The following NFAT5 variants were observed in gnomAD, a reference collection of about 807,000 sequenced individuals.
The protein encoded by NFAT5 is nuclear factor of activated T cells 5, also known as nuclear factor of activated T-cells 5.
NFAT5 carries 31 observed loss-of-function variants against 166.5 expected under a neutral mutation model. The observed-to-expected ratio is 0.19, with a 90% CI of 0.14 to 0.25. The LOEUF is 0.25. NFAT5 is among the 10% of genes least tolerant of loss of function. The probability of loss-of-function intolerance (pLI) is 1.00; values close to 1 mark genes in which losing one functional copy is unlikely to be tolerated. For missense variants in NFAT5, 1,449 were observed against 1,821.8 expected (o/e 0.80, Z 3.72); for synonymous variants, 612 against 639.7 (o/e 0.96, Z 0.65).
intron 10 of NFAT5, 66 bp from the exon 11 acceptor site, chr16:69,684,821 A>G: frequency 9.8e-7 from 1 of 1,022,650 alleles, no homozygotes; most frequent in Non-Finnish European, 1.4e-6. Context: ...CTAATTAAAG[A>G]ATTTAAGATA....
chr16:69,631,686 C>T (rs1384182389), intron 3 of NFAT5, among the ~76,000 whole-genome samples: 2 of 151,706 alleles, frequency 1.3e-5, no homozygotes, highest in African/African-American at 4.8e-5. Flanking sequence ...AGTGCAGTGG[C>T]GTGATCTTGG....
intron 2 of NFAT5, among the ~76,000 whole-genome samples, chr16:69,573,250 G>C (rs1395180138): frequency 6.6e-6 from 1 of 151,916 alleles, no homozygotes; most frequent in Admixed American, 6.6e-5. Context: ...TTTTACTACT[G>C]CTAATCTATT....
At chr16:69,642,831 AAAAG>A (rs1049203010) in intron 3 of NFAT5, among the ~76,000 whole-genome samples, 8 of 151,852 alleles carry the variant, frequency 5.3e-5, no homozygotes, top group African/African-American at 1.9e-4. Context: ...AAAAGAAAAG[AAAAG>A]AAAAGAAAAA....
In NFAT5 at chr16:69,699,808, A is replaced by G. The variant is rs1474196173; in HGVS notation, c.*3457A>G. ...CAACTCACATTAATGCTTGGAGCTT[A>G]TCTCTTTCTCTCTCTCTCTCTCTCT... is the stretch of plus-strand genomic sequence containing the variant. On this transcript the variant is annotated 3_prime_UTR_variant, in exon 15 of 15. Coordinates refer to ENST00000349945, the MANE Select transcript of NFAT5 (RefSeq NM_138713.4). 6.7e-6 allele frequency: 1 copy of G among 149,746 alleles called. No homozygotes were observed. Among genetic ancestry groups the G allele is most frequent in the Non-Finnish European group, 1.5e-5 (1 of 67,320 alleles). The allele number at this position is 149,746 out of a possible 1,614,324, so 9.3% of individuals were successfully genotyped here.
intron 11 of NFAT5, among the ~76,000 whole-genome samples, chr16:69,689,615 C>T (rs2037468197): frequency 6.6e-6 from 1 of 152,230 alleles, no homozygotes; most frequent in Admixed American, 6.5e-5. Flanking sequence ...GCGATCTCAG[C>T]TCATTGCAAC....
At chr16:69,627,310 T>TA (rs902444249) in intron 3 of NFAT5, among the ~76,000 whole-genome samples, 26 of 127,250 alleles carry the variant, frequency 2.0e-4, no homozygotes, top group Non-Finnish European at 4.2e-4. Flanking sequence ...GTGTTTGTTT[T>TA]AAAAAAAGGA....
intron 2 of NFAT5, among the ~76,000 whole-genome samples, chr16:69,620,179 A>G (rs899953103): frequency 6.6e-6 from 1 of 152,158 alleles, no homozygotes; most frequent in Non-Finnish European, 1.5e-5. Flanking sequence ...CCTGGGCTCT[A>G]TGAGAATGCA....
intron 3 of NFAT5, among the ~76,000 whole-genome samples, chr16:69,631,687 G>A (rs923910562): frequency 6.6e-6 from 1 of 151,864 alleles, no homozygotes; most frequent in South Asian, 2.1e-4. Context: ...GTGCAGTGGC[G>A]TGATCTTGGC....
chr16:69,644,763 C>T (rs2035363928), intron 3 of NFAT5: 2 of 429,524 alleles, frequency 4.7e-6, no homozygotes, highest in South Asian at 3.4e-5. Context: ...TTCATGATTG[C>T]TTTTCACCTG....
At chr16:69,672,167 CTA>C (rs965057664) in intron 9 of NFAT5, among the ~76,000 whole-genome samples, 1 of 152,158 alleles carries the variant, frequency 6.6e-6, no homozygotes, top group Non-Finnish European at 1.5e-5. Flanking sequence ...TAGACAAATG[CTA>C]TGTGGCAAGT....
intron 11 of NFAT5, among the ~76,000 whole-genome samples, chr16:69,687,394 T>C (rs1227084520): frequency 6.7e-6 from 1 of 148,988 alleles, no homozygotes; most frequent in East Asian, 2.0e-4. Flanking sequence ...TGAGCCCAGA[T>C]TGAGCCACTG....
intron 2 of NFAT5, among the ~76,000 whole-genome samples, chr16:69,604,352 G>A (rs1045943205): frequency 1.3e-5 from 2 of 152,208 alleles, no homozygotes; most frequent in African/African-American, 4.8e-5. Flanking sequence ...TGGGCAGAGT[G>A]ATCTCATTGA....
intron 9 of NFAT5, among the ~76,000 whole-genome samples, chr16:69,676,003 T>A (rs1473919077): frequency 1.3e-5 from 2 of 152,124 alleles, no homozygotes; most frequent in Non-Finnish European, 2.9e-5. Context: ...CAGAAACAAA[T>A]TAAATTCTCA....
chr16:69,612,072 C>T (rs758154200), intron 2 of NFAT5, among the ~76,000 whole-genome samples: 9 of 152,120 alleles, frequency 5.9e-5, no homozygotes, highest in Non-Finnish European at 1.0e-4. Flanking sequence ...CATTTATTAC[C>T]TCTTATTTAT....
chr16:69,598,876 C>T (rs545889501), intron 2 of NFAT5, among the ~76,000 whole-genome samples: 4 of 151,660 alleles, frequency 2.6e-5, no homozygotes, highest in South Asian at 2.1e-4. Context: ...TAGCCGGGCG[C>T]GATGGTGCGT....
intron 2 of NFAT5, among the ~76,000 whole-genome samples, chr16:69,594,952 T>C (rs946564195): frequency 6.6e-6 from 1 of 152,186 alleles, no homozygotes; most frequent in Non-Finnish European, 1.5e-5. Flanking sequence ...AGATGTAGGC[T>C]GAGAGACTAA....
rs199818366 is a variant in NFAT5, at chr16:69,697,939, C to CTTTTTT, written c.*1600_*1605dup. On this transcript the variant is annotated 3_prime_UTR_variant, in exon 15 of 15. Transcript: ENST00000349945. ...AATTGTTGAAGGCTACTTTTCTGTT[C>CTTTTTT]TTTTTTTTTTTTTTTTTCTATCCTG... 3.7e-4 allele frequency: 48 copies of CTTTTTT among 131,406 alleles called. No homozygotes were observed. The highest frequency in any genetic ancestry group is 1.5e-3 in the East Asian group (7 of 4,668). 8.1% of individuals were successfully genotyped at this position (131,406 alleles called of 1,614,324 possible). A position where few individuals can be genotyped will look rare whatever the true frequency, so the allele number is the denominator to read the frequency against.
chr16:69,577,869 T>C (rs1269413638), intron 2 of NFAT5, among the ~76,000 whole-genome samples: 1 of 152,026 alleles, frequency 6.6e-6, no homozygotes, highest in Non-Finnish European at 1.5e-5. Context: ...ATATGAATAG[T>C]GATATTTTGC....
intron 2 of NFAT5, among the ~76,000 whole-genome samples, chr16:69,614,786 T>G: frequency 6.6e-6 from 1 of 152,176 alleles, no homozygotes; most frequent in East Asian, 1.9e-4. Context: ...CAGTTTAGAA[T>G]TATATGTCCA....
Sources: gnomAD v4.1 joint callset for allele counts (sites outside exome capture counted in the v4.1 genomes callset) on GRCh38, gnomAD v4.1.1 for gene constraint, MANE v1.5 for transcripts, NCBI Gene and HGNC (gene_info 2026-07-23, HGNC 2026-07-21) for gene names.